The following BCKDHB variants were observed in gnomAD, a reference collection of about 807,000 sequenced individuals.
BCKDHB encodes branched chain keto acid dehydrogenase E1 subunit beta.
A neutral mutation model predicts 48.5 loss-of-function variants in BCKDHB; 41 were observed. That is an observed-to-expected ratio of 0.85 (90% CI 0.66 to 1.10). The LOEUF (loss-of-function observed/expected upper bound fraction) is 1.10. BCKDHB is among the 50% of genes least tolerant of loss of function. BCKDHB has a pLI of 0.00. For synonymous variants in BCKDHB, 201 were observed against 174.8 expected, an observed-to-expected ratio of 1.15 and a Z score of -1.18; for missense variants, 496 against 494.2, an observed-to-expected ratio of 1.00 and a Z score of -0.03.
intron 6 of BCKDHB, among the ~76,000 whole-genome samples, chr6:80,187,395 G>T (rs549913279): frequency 4.6e-5 from 7 of 152,168 alleles, no homozygotes; most frequent in African/African-American, 1.7e-4. Flanking sequence ...TATTTAGAAT[G>T]TTGGGGGCAT....
intron 1 of BCKDHB, among the ~76,000 whole-genome samples, chr6:80,119,149 G>A (rs1336377421): frequency 6.6e-6 from 1 of 152,092 alleles, no homozygotes; most frequent in African/African-American, 2.4e-5. Context: ...AAATTAGCAG[G>A]CATGCTAGCG....
chr6:80,412,535 A>G, the BCKDHB span, among the ~76,000 whole-genome samples: 1 of 152,218 alleles, frequency 6.6e-6, no homozygotes, highest in Non-Finnish European at 1.5e-5. Flanking sequence ...AACTTTTATT[A>G]TAGAGTTAAA....
intron 8 of BCKDHB, among the ~76,000 whole-genome samples, chr6:80,246,121 A>G (rs1025764727): frequency 5.3e-5 from 8 of 152,144 alleles, no homozygotes; most frequent in African/African-American, 1.9e-4. Flanking sequence ...TTTTAAACCA[A>G]TATGTTAAGA....
At chr6:80,179,664 C>T (rs1397569873) in intron 6 of BCKDHB, among the ~76,000 whole-genome samples, 2 of 152,040 alleles carry the variant, frequency 1.3e-5, no homozygotes, top group Non-Finnish European at 2.9e-5. Context: ...TAGTACATCC[C>T]TATGTAGTAT....
the BCKDHB span, among the ~76,000 whole-genome samples, chr6:80,398,011 A>G: frequency 6.6e-6 from 1 of 152,238 alleles, no homozygotes; most frequent in Admixed American, 6.5e-5. Flanking sequence ...TGCAGAAATC[A>G]AGAAGTTATT....
the BCKDHB span, among the ~76,000 whole-genome samples, chr6:80,385,525 A>G: frequency 6.6e-6 from 1 of 152,136 alleles, no homozygotes; most frequent in South Asian, 2.1e-4. Flanking sequence ...TAGTGGCAAC[A>G]TCCCCTCCCC....
chr6:80,240,715 G>A (rs568987143), intron 8 of BCKDHB, among the ~76,000 whole-genome samples: 1 of 152,272 alleles, frequency 6.6e-6, no homozygotes, highest in South Asian at 2.1e-4. Context: ...GAATAGGAGT[G>A]GTGAGAGAGG....
chr6:80,238,758 A>T (rs751005023), intron 8 of BCKDHB, among the ~76,000 whole-genome samples: 5 of 145,334 alleles, frequency 3.4e-5, no homozygotes, highest in African/African-American at 5.0e-5. Flanking sequence ...CCCTCCTCCC[A>T]TCCCATGACA....
chr6:80,418,767 G>T, the BCKDHB span, among the ~76,000 whole-genome samples: 3 of 152,154 alleles, frequency 2.0e-5, no homozygotes, highest in Admixed American at 2.0e-4. Flanking sequence ...ATCCTTGTTT[G>T]CATGGGTCAG....
chr6:80,109,408 A>G (rs1425344480), intron 1 of BCKDHB, among the ~76,000 whole-genome samples: 1 of 152,218 alleles, frequency 6.6e-6, no homozygotes, highest in Non-Finnish European at 1.5e-5. Context: ...CAAGCATTTC[A>G]TGCATATGGG....
chr6:80,272,784 A>C (rs184097138), intron 8 of BCKDHB, among the ~76,000 whole-genome samples: 32 of 152,306 alleles, frequency 2.1e-4, no homozygotes, highest in African/African-American at 7.5e-4. Context: ...TTCGCTCTTT[A>C]ACATGAAGAA....
intron 9 of BCKDHB, among the ~76,000 whole-genome samples, chr6:80,290,225 G>C (rs371099221): frequency 1.3e-5 from 2 of 152,170 alleles, no homozygotes; most frequent in African/African-American, 4.8e-5. Context: ...CAGGTAGAAG[G>C]GGGCAAGATC....
intron 6 of BCKDHB, among the ~76,000 whole-genome samples, chr6:80,189,453 A>G (rs1001953618): frequency 1.3e-5 from 2 of 152,234 alleles, no homozygotes; most frequent in Admixed American, 6.5e-5. Flanking sequence ...AAACATTGCT[A>G]TACAGGCAGT....
intron 8 of BCKDHB, among the ~76,000 whole-genome samples, chr6:80,222,404 T>TACTAG (rs1775497348): frequency 6.6e-6 from 1 of 152,202 alleles, no homozygotes; most frequent in Admixed American, 6.5e-5. Context: ...AAACAACGAT[T>TACTAG]ACTAGAAAGA....
At chr6:80,218,393 A>G (rs574782236) in intron 8 of BCKDHB, among the ~76,000 whole-genome samples, 2 of 152,312 alleles carry the variant, frequency 1.3e-5, no homozygotes, top group South Asian at 4.1e-4. Context: ...AGGAATCAGA[A>G]GCCTACCACA....
At chr6:80,458,279 C>A in the BCKDHB span, among the ~76,000 whole-genome samples, 2 of 152,170 alleles carry the variant, frequency 1.3e-5, no homozygotes, top group Admixed American at 1.3e-4. Flanking sequence ...TCTGCAGTAA[C>A]CTAATTTCAC....
chr6:80,291,595 T>C (rs1171706137), intron 9 of BCKDHB, among the ~76,000 whole-genome samples: 2 of 152,230 alleles, frequency 1.3e-5, no homozygotes, highest in Non-Finnish European at 2.9e-5. Flanking sequence ...GGTTACTAGC[T>C]GATTCCACTA....
At chr6:80,426,375 T>C in the BCKDHB span, among the ~76,000 whole-genome samples, 413 of 152,258 alleles carry the variant, frequency 2.7e-3, 2 homozygotes, top group African/African-American at 9.6e-3. Flanking sequence ...TTTATTTGGG[T>C]TTAACTTGCA....
At chr6:80,304,934 C>T (rs1406944592) in intron 9 of BCKDHB, among the ~76,000 whole-genome samples, 1 of 152,092 alleles carries the variant, frequency 6.6e-6, no homozygotes, top group Non-Finnish European at 1.5e-5. Flanking sequence ...AAACCTGTAA[C>T]AACCACTATA....
Sources: gnomAD v4.1 joint callset for allele counts (sites outside exome capture counted in the v4.1 genomes callset) on GRCh38, gnomAD v4.1.1 for gene constraint, MANE v1.5 for transcripts, NCBI Gene and HGNC (gene_info 2026-07-23, HGNC 2026-07-21) for gene names.